Variants in KIAA1549 observed in about 807,000 individuals in gnomAD.
KIAA1549 encodes the protein UPF0606 protein KIAA1549.
A neutral mutation model predicts 156.4 loss-of-function variants in KIAA1549; 70 were observed. The ratio of observed to expected loss-of-function variants is 0.45; its 90% CI spans 0.37 to 0.55. The LOEUF is 0.55. Ranked by LOEUF, KIAA1549 falls within the 20% of genes least tolerant of loss-of-function variation. The pLI is 0.00. For synonymous variants in KIAA1549, 1,103 were observed against 1,066.4 expected, an observed-to-expected ratio of 1.03 and a Z score of -0.67; for missense variants, 2,428 against 2,540.9, an observed-to-expected ratio of 0.96 and a Z score of 0.96.
intron 1 of KIAA1549, among the ~76,000 whole-genome samples, chr7:138,924,757 A>G (rs1812664169): frequency 6.6e-6 from 1 of 152,162 alleles, no homozygotes; most frequent in African/African-American, 2.4e-5. Flanking sequence ...GGAGACTAGA[A>G]AACCCAGGCG....
Position 138,927,379 on chromosome 7 carries a change from G to A in KIAA1549, c.188-7941C>T, listed in dbSNP as rs973118939. On this transcript the variant is annotated intron_variant, in intron 1 of 19. Transcript: ENST00000422774. ...CAACTGGCTGGGCACAGTGGCTCAC[G>A]CCTATAATCCCAGCACTTTGGGAGG... Among the ~76,000 whole-genome samples, 17 of 152,236 alleles carry A rather than the reference G, an allele frequency of 1.1e-4. 1 individual carries two copies. In the Middle Eastern group the frequency reaches 9.5e-3, roughly 85 times the overall value.
At chr7:138,915,234 G>A (rs10243922) in intron 2 of KIAA1549, among the ~76,000 whole-genome samples, 51,950 of 151,716 alleles carry the variant, frequency 0.34, 9,746 homozygotes, top group African/African-American at 0.48. Context: ...TTCCAAACCC[G>A]TCTCTGATTA....
intron 12 of KIAA1549, among the ~76,000 whole-genome samples, chr7:138,873,937 T>C (rs1811006909): frequency 7.0e-6 from 1 of 142,294 alleles, no homozygotes; most frequent in Admixed American, 6.8e-5. Flanking sequence ...ACATATAATA[T>C]ATATCACACA....
chr7:138,955,055 T>C (rs1813621243), intron 1 of KIAA1549, among the ~76,000 whole-genome samples: 1 of 152,198 alleles, frequency 6.6e-6, no homozygotes, highest in South Asian at 2.1e-4. Flanking sequence ...GGCTCTGCCA[T>C]GTCTTCATTC....
chr7:138,912,146 C>G (rs1443716390), intron 3 of KIAA1549, among the ~76,000 whole-genome samples: 1 of 152,220 alleles, frequency 6.6e-6, no homozygotes, highest in Non-Finnish European at 1.5e-5. Context: ...CCAACACATC[C>G]CCTAAAGGAC....
At chr7:138,885,705 T>A (rs890625120) in intron 10 of KIAA1549, among the ~76,000 whole-genome samples, 2 of 152,204 alleles carry the variant, frequency 1.3e-5, no homozygotes, top group Non-Finnish European at 2.9e-5. Context: ...TTTAAGATAT[T>A]TTACAGAGTC....
intron 15 of KIAA1549, among the ~76,000 whole-genome samples, chr7:138,864,527 T>C (rs1810678408): frequency 6.6e-6 from 1 of 152,194 alleles, no homozygotes; most frequent in African/African-American, 2.4e-5. Context: ...TTTCCTATAT[T>C]CTACCATCTA....
chr7:138,896,716 C>A (rs1251828897), intron 9 of KIAA1549, among the ~76,000 whole-genome samples: 1 of 151,592 alleles, frequency 6.6e-6, no homozygotes, highest in African/African-American at 2.4e-5. Flanking sequence ...TGCCTCAGAC[C>A]CCCCAAGTAA....
At chr7:138,922,554 G>A (rs1812594487) in intron 1 of KIAA1549, among the ~76,000 whole-genome samples, 1 of 151,972 alleles carries the variant, frequency 6.6e-6, no homozygotes. Flanking sequence ...CTGAAAACAT[G>A]AGTAATGAGC....
intron 11 of KIAA1549, among the ~76,000 whole-genome samples, chr7:138,880,824 G>A (rs1246026175): frequency 6.6e-6 from 1 of 152,174 alleles, no homozygotes; most frequent in Non-Finnish European, 1.5e-5. Context: ...AATGGGGAGC[G>A]AGGCAGGGAG....
In KIAA1549 at chr7:138,834,344, T is replaced by C. The variant is rs1032863335; in HGVS notation, c.*3562A>G. On this transcript the variant is annotated 3_prime_UTR_variant, in exon 20 of 20. Transcript: ENST00000422774. ...TGTATTTTTTTGTAGAGACGGGGTT[T>C]TGCCATGTTGCCTGGGCTGGTTTTA... 2 of 188,806 alleles carry C rather than the reference T, an allele frequency of 1.1e-5. No homozygotes were observed. Among genetic ancestry groups the C allele is most frequent in the Non-Finnish European group, 2.2e-5 (2 of 89,782 alleles). The allele number at this position is 188,806 out of a possible 1,614,324, so 11.7% of individuals were successfully genotyped here.
Position 138,855,144 on chromosome 7 carries a change from G to C in KIAA1549, c.5248-2875C>G, listed in dbSNP as rs187927593. On this transcript the variant is annotated intron_variant, in intron 16 of 19. Coordinates refer to ENST00000422774, the MANE Select transcript of KIAA1549 (RefSeq NM_001164665.2). ...GAATCAGGAAAAGCCTGGAAGCAGA[G>C]AGAAGTAACAATCAGAGACCAGCAG... Among the ~76,000 whole-genome samples, 34 of 152,292 alleles carry C rather than the reference G, an allele frequency of 2.2e-4. No individual in the cohort carries two copies. The East Asian group carries it at 5.0e-3, about 23-fold the overall frequency.
chr7:138,975,339 C>G (rs1217910845), intron 1 of KIAA1549, among the ~76,000 whole-genome samples: 2 of 152,170 alleles, frequency 1.3e-5, no homozygotes, highest in Non-Finnish European at 2.9e-5. Flanking sequence ...GAGCCATCTG[C>G]AATGGTGAGA....
rs1812399717 is a variant in KIAA1549 at position 138,918,010 on chromosome 7, C to T, written c.1616G>A (p.Gly539Asp). The T allele has an allele frequency of 6.2e-7, 1 of 1,603,430 alleles. No individual in the cohort carries two copies. Among genetic ancestry groups the T allele is most frequent in the Non-Finnish European group, 8.5e-7 (1 of 1,175,016 alleles). ...SVPASLDPTA[G>D]SLSVAETQVT... is the part of the protein sequence containing the mutation. ...TTGGGTTTCAGCAACAGACAAGGAG[C>T]CAGCAGTAGGATCAAGTGACGCCGG... Residue 539 changes from glycine to aspartate, a missense_variant, in exon 2 of 20, where the codon GGC becomes GAC. Physicochemically the swap from Gly to Asp is moderately conservative, Grantham distance 94 (BLOSUM62 -1). Coordinates refer to ENST00000422774, the MANE Select transcript of KIAA1549 (RefSeq NM_001164665.2). This position sits in a 1 kb window ranked among gnomAD's most constrained non-coding sequence, Gnocchi z 4.2.
chr7:138,933,003 CGGTCGGTACTGGGGAAG>C (rs1472864461), intron 1 of KIAA1549, among the ~76,000 whole-genome samples: 1 of 152,094 alleles, frequency 6.6e-6, no homozygotes, highest in African/African-American at 2.4e-5. Context: ...AACAGAAAAT[CGGTCGGTACTGGGGAAG>C]GGTCGCTGTG....
At chr7:138,923,315 A>G (rs972399744) in intron 1 of KIAA1549, among the ~76,000 whole-genome samples, 6 of 152,222 alleles carry the variant, frequency 3.9e-5, no homozygotes, top group Admixed American at 1.3e-4. Flanking sequence ...AATGATAAAC[A>G]TAAGGCCAGA....
intron 1 of KIAA1549, among the ~76,000 whole-genome samples, chr7:138,927,246 T>C (rs991363340): frequency 2.0e-5 from 3 of 152,248 alleles, no homozygotes; most frequent in Non-Finnish European, 4.4e-5. Flanking sequence ...ATGTTTGTTA[T>C]TACAAACATT....
chr7:138,864,819 A>G (rs1304383899), intron 15 of KIAA1549, among the ~76,000 whole-genome samples: 3 of 152,244 alleles, frequency 2.0e-5, no homozygotes, highest in Non-Finnish European at 4.4e-5. Flanking sequence ...AGGGCCAGAC[A>G]GTAAAGACTT....
intron 1 of KIAA1549, among the ~76,000 whole-genome samples, chr7:138,924,003 C>T (rs1812638741): frequency 6.6e-6 from 1 of 152,016 alleles, no homozygotes; most frequent in Non-Finnish European, 1.5e-5. Flanking sequence ...ATTTTTTAAT[C>T]GATATTTTAA....
Sources: allele counts gnomAD v4.1 joint callset (sites outside exome capture counted in the v4.1 genomes callset), GRCh38; gene constraint gnomAD v4.1.1; non-coding constraint Gnocchi (gnomAD v3.1); transcripts MANE v1.5; gene names NCBI Gene and HGNC (gene_info 2026-07-23, HGNC 2026-07-21).